Variants in SPMIP2 observed in about 807,000 individuals in gnomAD.
SPMIP2 encodes sperm microtubule inner protein 2.
the SPMIP2 span, among the ~76,000 whole-genome samples, chr4:158,903,426 G>T: frequency 6.6e-6 from 1 of 152,164 alleles, no homozygotes; most frequent in Non-Finnish European, 1.5e-5. Context: ...CTATTCGGCC[G>T]TCTTGCCTTA....
chr4:159,017,461 GAGAC>G, the SPMIP2 span, among the ~76,000 whole-genome samples: 1 of 151,384 alleles, frequency 6.6e-6, no homozygotes, highest in African/African-American at 2.4e-5. Context: ...TTTTTTTTAA[GAGAC>G]AGAGTCTCAC....
chr4:158,938,167 C>T, the SPMIP2 span, among the ~76,000 whole-genome samples: 3 of 152,202 alleles, frequency 2.0e-5, no homozygotes, highest in African/African-American at 7.2e-5. Context: ...AATCGCTCCC[C>T]GAAGAAGTAT....
chr4:159,052,656 G>A, the SPMIP2 span, among the ~76,000 whole-genome samples: 2 of 150,790 alleles, frequency 1.3e-5, no homozygotes, highest in East Asian at 1.9e-4. Flanking sequence ...TATTTGAGGC[G>A]GAGTTTTGCT....
At chr4:158,999,185 C>CA in the SPMIP2 span, among the ~76,000 whole-genome samples, 26,845 of 144,232 alleles carry the variant, frequency 0.19, 2,714 homozygotes, top group East Asian at 0.4. Context: ...AAAAAAACAA[C>CA]AAAAAAAAAC....
chr4:159,080,824 C>T, the SPMIP2 span, among the ~76,000 whole-genome samples: 3 of 149,448 alleles, frequency 2.0e-5, no homozygotes, highest in Non-Finnish European at 3.0e-5. Flanking sequence ...CCCAGGTTCA[C>T]GCCGTTCTCC....
chr4:158,948,105 C>G, the SPMIP2 span, among the ~76,000 whole-genome samples: 2 of 152,154 alleles, frequency 1.3e-5, no homozygotes, highest in Non-Finnish European at 2.9e-5. Context: ...CTGGAGCCCC[C>G]ACTTTGCTTG....
chr4:158,990,709 G>A, the SPMIP2 span, among the ~76,000 whole-genome samples: 2 of 152,082 alleles, frequency 1.3e-5, no homozygotes, highest in African/African-American at 4.8e-5. Context: ...CACAGGCAGG[G>A]AAACATCACA....
At chr4:158,896,676 C>G in the SPMIP2 span, among the ~76,000 whole-genome samples, 9 of 152,072 alleles carry the variant, frequency 5.9e-5, no homozygotes, top group African/African-American at 2.2e-4. Flanking sequence ...CGGCTCTTGG[C>G]ATTTCCTGTC....
the SPMIP2 span, among the ~76,000 whole-genome samples, chr4:159,015,628 AAG>A: frequency 6.6e-6 from 1 of 152,234 alleles, no homozygotes; most frequent in Non-Finnish European, 1.5e-5. Context: ...TATTAGAAAA[AAG>A]AGAGTTGGAA....
chr4:158,916,868 T>C, the SPMIP2 span, among the ~76,000 whole-genome samples: 362 of 152,320 alleles, frequency 2.4e-3, no homozygotes, highest in African/African-American at 7.0e-3. Flanking sequence ...GGTCTTGAAC[T>C]CCTGACCTCA....
chr4:158,900,241 G>T, the SPMIP2 span, among the ~76,000 whole-genome samples: 1 of 152,178 alleles, frequency 6.6e-6, no homozygotes, highest in Non-Finnish European at 1.5e-5. Context: ...TGCATTTGCC[G>T]AGGAGTGTTT....
the SPMIP2 span, among the ~76,000 whole-genome samples, chr4:158,969,877 A>C: frequency 6.6e-6 from 1 of 152,212 alleles, no homozygotes; most frequent in African/African-American, 2.4e-5. Context: ...GACACTGAGG[A>C]GTCTCTGCAG....
At chr4:159,073,911 G>T in the SPMIP2 span, among the ~76,000 whole-genome samples, 1 of 152,100 alleles carries the variant, frequency 6.6e-6, no homozygotes, top group Non-Finnish European at 1.5e-5. Context: ...GGCTAAGGCA[G>T]GAGAACCACC....
chr4:158,984,542 TA>T, the SPMIP2 span, among the ~76,000 whole-genome samples: 20 of 151,852 alleles, frequency 1.3e-4, no homozygotes, highest in African/African-American at 4.6e-4. Context: ...ACTGGGTACA[TA>T]ACGAAACCAA....
At chr4:159,067,068 A>G in the SPMIP2 span, among the ~76,000 whole-genome samples, 1 of 152,342 alleles carries the variant, frequency 6.6e-6, no homozygotes, top group South Asian at 2.1e-4. Flanking sequence ...CATACAAGAA[A>G]GCAGTACAGC....
chr4:158,976,894 T>TTG, the SPMIP2 span, among the ~76,000 whole-genome samples: 1 of 151,982 alleles, frequency 6.6e-6, no homozygotes, highest in Non-Finnish European at 1.5e-5. Flanking sequence ...TCTCTTGACC[T>TTG]TGTGATCCAC....
At chr4:158,921,296 G>T in the SPMIP2 span, among the ~76,000 whole-genome samples, 5 of 152,166 alleles carry the variant, frequency 3.3e-5, no homozygotes, top group South Asian at 1.0e-3. Context: ...AAAATAATTA[G>T]CCAGCCATGG....
chr4:159,066,763 G>C, the SPMIP2 span, among the ~76,000 whole-genome samples: 1 of 151,916 alleles, frequency 6.6e-6, no homozygotes, highest in Non-Finnish European at 1.5e-5. Context: ...TCTTATCCTG[G>C]CTTAGGATTT....
At chr4:158,947,943 A>C in the SPMIP2 span, among the ~76,000 whole-genome samples, 1 of 152,336 alleles carries the variant, frequency 6.6e-6, no homozygotes, top group South Asian at 2.1e-4. Context: ...ATACATGTAG[A>C]TAATACATGT....
Sources: gnomAD v4.1 joint callset for allele counts (sites outside exome capture counted in the v4.1 genomes callset) on GRCh38, gnomAD v4.1.1 for gene constraint, MANE v1.5 for transcripts, NCBI Gene and HGNC (gene_info 2026-07-23, HGNC 2026-07-21) for gene names.